Variants in TENM4 observed in about 807,000 individuals in gnomAD.
TENM4 encodes teneurin transmembrane protein 4.
In TENM4, 82 loss-of-function variants were observed where a neutral mutation model predicts 243.3. The ratio of observed to expected loss-of-function variants is 0.34; its 90% CI spans 0.28 to 0.40. TENM4 has a LOEUF of 0.40. Among genes scored for constraint, TENM4 ranks in the 10% least tolerant of loss-of-function variants. TENM4 has a pLI of 1.00. For synonymous variants in TENM4, 1,412 were observed against 1,456.3 expected (o/e 0.97, Z 0.69); for missense variants, 3,138 against 3,673.3 (o/e 0.85, Z 3.77).
chr11:79,382,283 G>A (rs79463883), intron 1 of TENM4, among the ~76,000 whole-genome samples: 4,661 of 152,266 alleles, frequency 0.031, 115 homozygotes, highest in Middle Eastern at 0.088. Flanking sequence ...GGGATTAGAG[G>A]TGGTGGTCTC....
chr11:79,425,114 A>G (rs747711636), intron 1 of TENM4, among the ~76,000 whole-genome samples: 6 of 152,254 alleles, frequency 3.9e-5, no homozygotes, highest in Non-Finnish European at 8.8e-5. Flanking sequence ...TTCTGTCTTG[A>G]ATCACATCTA....
intron 6 of TENM4, among the ~76,000 whole-genome samples, chr11:79,048,262 A>G (rs879162611): frequency 5.3e-5 from 8 of 152,192 alleles, no homozygotes; most frequent in Admixed American, 4.6e-4. Flanking sequence ...CTGAACTCAG[A>G]CAAAAAACAC....
chr11:79,168,186 C>T (rs934809040), intron 3 of TENM4, among the ~76,000 whole-genome samples: 2 of 152,178 alleles, frequency 1.3e-5, no homozygotes, highest in African/African-American at 4.8e-5. Context: ...CCAGCTGGAC[C>T]TCAAGCCATC....
At chr11:79,411,841 G>A (rs1858707400) in intron 1 of TENM4, among the ~76,000 whole-genome samples, 1 of 152,214 alleles carries the variant, frequency 6.6e-6, no homozygotes, top group Non-Finnish European at 1.5e-5. Flanking sequence ...TCCTCTGATA[G>A]TCCTATTTCA....
rs116061098 is a variant in TENM4 at position 78,984,053 on chromosome 11, G to A, written c.494-80530C>T. Among the ~76,000 whole-genome samples the A allele has an allele frequency of 3.4e-3, 512 of 152,234 alleles. 4 individuals carry two copies. Among genetic ancestry groups the A allele is most frequent in the African/African-American group, 0.012 (481 of 41,536 alleles). On this transcript the variant is annotated intron_variant, in intron 6 of 33. Coordinates refer to ENST00000278550, the MANE Select transcript of TENM4 (RefSeq NM_001098816.3). ...GGCAGGAAAAAGCCCTGGGCTCTTCGGACTCTGGCTTTCTCTGGGCCACCA... is the reference window on the plus strand; with the variant it reads ...GGCAGGAAAAAGCCCTGGGCTCTTCAGACTCTGGCTTTCTCTGGGCCACCA...
chr11:79,057,942 A>G (rs1392358085), intron 6 of TENM4, among the ~76,000 whole-genome samples: 2 of 152,186 alleles, frequency 1.3e-5, no homozygotes, highest in Non-Finnish European at 2.9e-5. Context: ...CCTAGGGGCC[A>G]GCACTTCTTC....
At position 78,669,020 on chromosome 11, in the gene TENM4, C is replaced by G; in HGVS notation, c.7325G>C (p.Ser2442Thr). ...DHELWKHLSS[S>T]NVMPFNLYMF... is the part of the protein sequence containing the mutation. The stretch of plus-strand genomic sequence containing the variant: ...ATAGAGATTAAAAGGCATGACGTTG[C>G]TGCTACTAAGGTGCTTCCACAGCTC... Residue 2442 changes from serine (S) to threonine (T), a missense_variant, in exon 32 of 34, where the codon AGC becomes ACC. Transcript: ENST00000278550. The surrounding 1 kb of genome is among the most constrained non-coding windows in gnomAD (Gnocchi z 6.4). 2 of 1,613,954 alleles carry G rather than the reference C, an allele frequency of 1.2e-6. No homozygotes were observed. Among genetic ancestry groups the G allele is most frequent in the Non-Finnish European group, 1.7e-6 (2 of 1,179,890 alleles).
intron 6 of TENM4, among the ~76,000 whole-genome samples, chr11:79,043,400 A>C (rs1859586730): frequency 6.6e-6 from 1 of 152,116 alleles, no homozygotes. Context: ...GGCTGTGAGA[A>C]GCAGCCAAAA....
chr11:78,829,242 A>G (rs1006488740), intron 12 of TENM4, among the ~76,000 whole-genome samples: 1 of 152,074 alleles, frequency 6.6e-6, no homozygotes, highest in Non-Finnish European at 1.5e-5. Context: ...TCAGGGGTGG[A>G]TCTTGTCTCT....
At chr11:79,301,914 C>T (rs1440545465) in intron 1 of TENM4, among the ~76,000 whole-genome samples, 2 of 152,182 alleles carry the variant, frequency 1.3e-5, no homozygotes, top group Non-Finnish European at 2.9e-5. Flanking sequence ...GTCATGCTTC[C>T]TGTACTGCCT....
At chr11:78,780,790 A>G (rs746860127) in intron 16 of TENM4, among the ~76,000 whole-genome samples, 3 of 152,224 alleles carry the variant, frequency 2.0e-5, no homozygotes, top group Non-Finnish European at 4.4e-5. Flanking sequence ...TGATACCTTT[A>G]AAAATTCTTA....
intron 30 of TENM4, among the ~76,000 whole-genome samples, chr11:78,675,648 T>C (rs1858449187): frequency 6.6e-6 from 1 of 152,298 alleles, no homozygotes; most frequent in South Asian, 2.1e-4. Context: ...GGTGAGGTCA[T>C]TTTGGAGAAT....
At chr11:79,003,438 G>C (rs1268601857) in intron 6 of TENM4, among the ~76,000 whole-genome samples, 1 of 151,892 alleles carries the variant, frequency 6.6e-6, no homozygotes, top group African/African-American at 2.4e-5. Flanking sequence ...AACTCCATCA[G>C]GCTAACAGCA....
At chr11:78,973,604 T>C (rs907870486) in intron 6 of TENM4, among the ~76,000 whole-genome samples, 1 of 152,148 alleles carries the variant, frequency 6.6e-6, no homozygotes, top group Non-Finnish European at 1.5e-5. Context: ...GGCAGTGTTC[T>C]AGGCATCACT....
At chr11:78,862,488 C>T (rs138937468) in intron 10 of TENM4, among the ~76,000 whole-genome samples, 55 of 152,208 alleles carry the variant, frequency 3.6e-4, no homozygotes, top group Non-Finnish European at 7.1e-4. Flanking sequence ...GTGACTTGCT[C>T]AAGGTCACAC....
chr11:78,664,177 T>C (rs190923836), intron 32 of TENM4, among the ~76,000 whole-genome samples: 45 of 152,346 alleles, frequency 3.0e-4, no homozygotes, highest in Non-Finnish European at 1.5e-5. Context: ...CATACTTCTA[T>C]GGAGAAGAAT....
chr11:79,366,975 C>T (rs972109700), intron 1 of TENM4, among the ~76,000 whole-genome samples: 3 of 152,188 alleles, frequency 2.0e-5, no homozygotes, highest in Non-Finnish European at 2.9e-5. Flanking sequence ...TTTCTTCCTC[C>T]TTGGATCAGA....
chr11:78,853,977 C>T (rs985790671), intron 12 of TENM4, 127 bp downstream of exon 12: 13 of 917,828 alleles, frequency 1.4e-5, no homozygotes, highest in African/African-American at 3.4e-5. Flanking sequence ...AGGAGGGTCT[C>T]GTGCCAAGCT....
chr11:79,316,993 C>A (rs1856813441), intron 1 of TENM4, among the ~76,000 whole-genome samples: 1 of 152,248 alleles, frequency 6.6e-6, no homozygotes, highest in South Asian at 2.1e-4. Flanking sequence ...TTATTAACCT[C>A]TTGCCACACG....
Sources: gnomAD v4.1 joint callset for allele counts (sites outside exome capture counted in the v4.1 genomes callset) on GRCh38, gnomAD v4.1.1 for gene constraint, Gnocchi (gnomAD v3.1) non-coding constraint, MANE v1.5 for transcripts, NCBI Gene and HGNC (gene_info 2026-07-23, HGNC 2026-07-21) for gene names.